Variants in EIF2D observed in about 807,000 individuals in gnomAD.
The protein encoded by EIF2D is eukaryotic translation initiation factor 2D.
EIF2D carries 56 observed loss-of-function variants against 77.4 expected under a neutral mutation model. That is an observed-to-expected ratio of 0.72 (90% CI 0.58 to 0.90). The LOEUF (loss-of-function observed/expected upper bound fraction) is 0.90, where lower values mean the gene tolerates loss of function less well. EIF2D is among the 40% of genes least tolerant of loss of function. The pLI is 0.00. For synonymous variants in EIF2D, 230 were observed against 271.0 expected, an observed-to-expected ratio of 0.85 and a Z score of 1.49; for missense variants, 574 against 706.5, an observed-to-expected ratio of 0.81 and a Z score of 2.13.
intron 2 of EIF2D, among the ~76,000 whole-genome samples, chr1:206,610,601 A>G (rs1670428657): frequency 6.6e-6 from 1 of 152,116 alleles, no homozygotes. Flanking sequence ...CGGGCGGATC[A>G]TGAGGTCAGG....
intron 4 of EIF2D, among the ~76,000 whole-genome samples, chr1:206,573,660 A>C (rs1668531222): frequency 6.6e-6 from 1 of 152,228 alleles, no homozygotes; most frequent in South Asian, 2.1e-4. Context: ...GTAAGTCATT[A>C]AAGAGCTTCA....
Position 206,612,454 on chromosome 1 carries a change from G to C in EIF2D, c.-112C>G. ...GTGGGGGCAGCCATGCTGGGGCCCG[G>C]CCGCGAAAAGGGCCCGGCTGGAAAC... On this transcript the variant is annotated 5_prime_UTR_variant, in exon 1 of 15. Transcript: ENST00000271764. The C allele has an allele frequency of 7.1e-7, 1 of 1,410,300 alleles. No individual in the cohort carries two copies. The allele number at this position is 1,410,300 out of a possible 1,614,324, so 87.4% of individuals were successfully genotyped here.
In EIF2D at chr1:206,602,374, G is replaced by A. The variant is rs1558536761; in HGVS notation, c.864C>T (p.Leu288=). 2 of 1,614,232 alleles carry A rather than the reference G, an allele frequency of 1.2e-6. No individual in the cohort carries two copies. Among genetic ancestry groups the A allele is most frequent in the African/African-American group, 1.3e-5 (1 of 75,078 alleles). ...TGTGGCTGCCAAGGAAAGTGCTGGTGAGTAAAGGGAGGTCAGCCTTTTTGA... is the reference window on the plus strand; with the variant it reads ...TGTGGCTGCCAAGGAAAGTGCTGGTAAGTAAAGGGAGGTCAGCCTTTTTGA... ...CRVKKADLPL[L]TSTFLGSHMF... is the part of the protein sequence containing the mutation. The change falls in exon 7 of 15, where the codon CTC becomes CTT. Residue 288 remains leucine (L), a synonymous_variant. Coordinates refer to ENST00000271764, the MANE Select transcript of EIF2D (RefSeq NM_006893.3).
At chr1:206,574,168 C>T (rs1487648620) in intron 4 of EIF2D, among the ~76,000 whole-genome samples, 5 of 152,230 alleles carry the variant, frequency 3.3e-5, no homozygotes, top group African/African-American at 1.2e-4. Context: ...CTGAGATGGT[C>T]ACCTCAAAGA....
At chr1:206,610,592 G>A (rs6667444) in intron 2 of EIF2D, among the ~76,000 whole-genome samples, 1,555 of 152,134 alleles carry the variant, frequency 0.01, 31 homozygotes, top group African/African-American at 0.035. Flanking sequence ...AGGCCGAGGC[G>A]GGCGGATCAT....
intron 4 of EIF2D, among the ~76,000 whole-genome samples, chr1:206,607,228 G>A (rs889569870): frequency 4.6e-5 from 7 of 151,888 alleles, no homozygotes; most frequent in African/African-American, 1.7e-4. Flanking sequence ...AAAAGAAAAC[G>A]TCCACACTAT....
chr1:206,593,853 GGCCTTCCAGAGCCTCAGCA>G (rs1553409553), intron 13 of EIF2D, 60 bp from the exon 14 acceptor site: 7 of 1,506,786 alleles, frequency 4.6e-6, no homozygotes, highest in Non-Finnish European at 6.3e-6. Context: ...CCCTCCAGAG[GGCCTTCCAGAGCCTCAGCA>G]GCCTTCTGAG....
intron 5 of EIF2D, 120 bp from the exon 6 acceptor site, chr1:206,603,324 G>A (rs1670023447): frequency 6.6e-6 from 9 of 1,370,426 alleles, no homozygotes; most frequent in South Asian, 2.9e-5. Flanking sequence ...GAGTGGCCAG[G>A]AGGGGGCAGA....
intron 4 of EIF2D, among the ~76,000 whole-genome samples, chr1:206,577,974 G>A (rs1668715922): frequency 1.3e-5 from 2 of 152,146 alleles, no homozygotes; most frequent in Non-Finnish European, 2.9e-5. Context: ...TGTAATCCTG[G>A]CACTTCGTGA....
chr1:206,575,489 T>C (rs1370447314), intron 4 of EIF2D, among the ~76,000 whole-genome samples: 2 of 152,102 alleles, frequency 1.3e-5, no homozygotes, highest in Non-Finnish European at 2.9e-5. Flanking sequence ...TTGCTGACAA[T>C]AGAGAAAAGT....
chr1:206,571,039 C>T (rs1303959396), downstream of EIF2D, among the ~76,000 whole-genome samples: 1 of 152,208 alleles, frequency 6.6e-6, no homozygotes, highest in African/African-American at 2.4e-5. Flanking sequence ...CATTATTTTA[C>T]AATCCCACCA....
In EIF2D at chr1:206,599,146, A is replaced by T. The variant is rs559769216; in HGVS notation, c.1203-54T>A. On this transcript the variant is annotated intron_variant, in intron 10 of 14. Coordinates refer to ENST00000271764, the MANE Select transcript of EIF2D (RefSeq NM_006893.3). This position sits in a 1 kb window ranked among gnomAD's most constrained non-coding sequence, Gnocchi z 4.1. Reference sequence around the variant, plus strand: ...AGTTCATGCTGTGCCATGAGACAAAAATGCAGATGCCCAGACTCACTCCCT... The same window carrying T: ...AGTTCATGCTGTGCCATGAGACAAATATGCAGATGCCCAGACTCACTCCCT... 4.5e-5 allele frequency: 69 copies of T among 1,541,828 alleles called. No homozygotes were observed. The African/African-American group carries it at 8.2e-4, about 18-fold the overall frequency.
Position 206,612,432 on chromosome 1 carries a change from G to T in EIF2D, c.-90C>A. On this transcript the variant is annotated 5_prime_UTR_variant, in exon 1 of 15. Transcript: ENST00000271764. ...AGCAGCTGCCAGGCCCTCAGCCGTG[G>T]GGGCAGCCATGCTGGGGCCCGGCCG... is the stretch of plus-strand genomic sequence containing the variant. 1 of 1,551,828 alleles carries T rather than the reference G, an allele frequency of 6.4e-7. No individual in the cohort carries two copies. Among genetic ancestry groups the T allele is most frequent in the Non-Finnish European group, 8.9e-7 (1 of 1,125,512 alleles).
chr1:206,596,714 C>T (rs925700772), intron 12 of EIF2D, among the ~76,000 whole-genome samples: 2 of 151,948 alleles, frequency 1.3e-5, no homozygotes, highest in African/African-American at 2.4e-5. Flanking sequence ...GAGACAGGGT[C>T]TCACCTTGTC....
intron 14 of EIF2D, among the ~76,000 whole-genome samples, chr1:206,593,007 C>T (rs1478331024): frequency 6.6e-5 from 10 of 151,854 alleles, no homozygotes; most frequent in African/African-American, 2.2e-4. Context: ...GAGGCTGAGG[C>T]AGGGGAATGA....
intron 2 of EIF2D, chr1:206,585,131 C>G (rs781952337): frequency 7.0e-7 from 1 of 1,437,390 alleles, no homozygotes. Context: ...GCCTGGGCCC[C>G]GCCCTTCTTT....
Position 206,599,732 on chromosome 1 carries a change from C to T in EIF2D, c.1052+1G>A, listed in dbSNP as rs782071396. 1.4e-5 allele frequency: 23 copies of T among 1,614,072 alleles called. No homozygotes were observed. Among genetic ancestry groups the T allele is most frequent in the South Asian group, 1.1e-5 (1 of 91,086 alleles). ...TACAGTGACAGGCCCCCTGCACTCACCTCGGGTGTTTCCAGTCCACAGCCA... is the reference window on the plus strand; with the variant it reads ...TACAGTGACAGGCCCCCTGCACTCATCTCGGGTGTTTCCAGTCCACAGCCA... On this transcript the variant is annotated splice_donor_variant, in intron 9 of 14. Coordinates refer to ENST00000271764, the MANE Select transcript of EIF2D (RefSeq NM_006893.3). LOFTEE classifies it high-confidence loss of function. This position sits in a 1 kb window ranked among gnomAD's most constrained non-coding sequence, Gnocchi z 4.1.
chr1:206,577,992 G>GTGAGA (rs1367772189), intron 4 of EIF2D, among the ~76,000 whole-genome samples: 6 of 152,182 alleles, frequency 3.9e-5, no homozygotes, highest in African/African-American at 1.4e-4. Flanking sequence ...TGAGGCTGAA[G>GTGAGA]TGAGAGTATT....
intron 6 of EIF2D, chr1:206,602,749 G>T: frequency 1.3e-6 from 1 of 793,892 alleles, no homozygotes; most frequent in Non-Finnish European, 2.0e-6. Flanking sequence ...GGGCAGATTA[G>T]CTCCCAGGAA....
Sources: gnomAD v4.1 joint callset for allele counts (sites outside exome capture counted in the v4.1 genomes callset) on GRCh38, gnomAD v4.1.1 for gene constraint, Gnocchi (gnomAD v3.1) non-coding constraint, MANE v1.5 for transcripts, NCBI Gene and HGNC (gene_info 2026-07-23, HGNC 2026-07-21) for gene names.